CNTN4: variants seen among roughly 807,000 people sequenced by gnomAD.
The protein encoded by CNTN4 is contactin 4, also known as contactin-4.
Under a neutral mutation model 122.5 loss-of-function variants are expected in CNTN4, and 77 were observed. The ratio of observed to expected loss-of-function variants is 0.63; its 90% CI spans 0.52 to 0.76. CNTN4 has a LOEUF of 0.76. Among genes scored for constraint, CNTN4 ranks in the 30% least tolerant of loss-of-function variants. The pLI is 0.00. For missense variants in CNTN4, 1,256 were observed against 1,259.1 expected (o/e 1.00, Z 0.04); for synonymous variants, 512 against 447.0 (o/e 1.15, Z -1.83).
intron 13 of CNTN4, among the ~76,000 whole-genome samples, chr3:2,961,095 TGA>T (rs2094850874): frequency 7.0e-6 from 1 of 143,002 alleles, no homozygotes; most frequent in African/African-American, 2.5e-5. Flanking sequence ...CCGGGCGTGG[TGA>T]TGGGCGCCTG....
chr3:2,664,481 A>C, intron 4 of CNTN4, among the ~76,000 whole-genome samples: 1 of 152,198 alleles, frequency 6.6e-6, no homozygotes, highest in Non-Finnish European at 1.5e-5. Flanking sequence ...AGTAAGTTGG[A>C]GAAGTTTTAT....
At chr3:2,774,055 C>T (rs1406163037) in intron 6 of CNTN4, among the ~76,000 whole-genome samples, 2 of 152,086 alleles carry the variant, frequency 1.3e-5, no homozygotes, top group Non-Finnish European at 2.9e-5. Context: ...CCACCATGCC[C>T]AGCCTCGATT....
chr3:2,530,737 A>T (rs898392469), intron 3 of CNTN4, among the ~76,000 whole-genome samples: 1 of 152,150 alleles, frequency 6.6e-6, no homozygotes, highest in African/African-American at 2.4e-5. Flanking sequence ...GAGAACACTT[A>T]TGTAGCCAGA....
At chr3:2,363,707 C>A (rs931421542) in intron 3 of CNTN4, among the ~76,000 whole-genome samples, 2 of 152,160 alleles carry the variant, frequency 1.3e-5, no homozygotes, top group Non-Finnish European at 2.9e-5. Context: ...AGTCTAACAT[C>A]TTTCCTCCTT....
intron 6 of CNTN4, among the ~76,000 whole-genome samples, chr3:2,759,388 C>G (rs1169129177): frequency 6.6e-6 from 1 of 152,180 alleles, no homozygotes; most frequent in Non-Finnish European, 1.5e-5. Context: ...CTCAGGTGAT[C>G]TGCCCGCCTC....
intron 18 of CNTN4, 23 bp from the exon 19 acceptor site, chr3:3,038,905 ATAACT>A (rs749290272): frequency 7.5e-6 from 12 of 1,610,326 alleles, no homozygotes; most frequent in Non-Finnish European, 1.0e-5. Context: ...GCCGCCTGAC[ATAACT>A]TGTTTTTTGT....
intron 4 of CNTN4, among the ~76,000 whole-genome samples, chr3:2,677,743 A>G (rs1376871253): frequency 6.6e-6 from 1 of 152,146 alleles, no homozygotes; most frequent in Admixed American, 6.5e-5. Flanking sequence ...GTCAAAGTGA[A>G]CTTTTAAAAT....
intron 2 of CNTN4, among the ~76,000 whole-genome samples, chr3:2,282,957 A>G (rs1222736539): frequency 6.6e-6 from 1 of 152,148 alleles, no homozygotes. Flanking sequence ...AATCCATAGA[A>G]ACGGAAAGTA....
At chr3:2,790,710 T>C (rs535117694) in intron 6 of CNTN4, among the ~76,000 whole-genome samples, 1 of 152,346 alleles carries the variant, frequency 6.6e-6, no homozygotes, top group South Asian at 2.1e-4. Flanking sequence ...GTCATAGACC[T>C]ATCCACCTTC....
intron 2 of CNTN4, among the ~76,000 whole-genome samples, chr3:2,233,286 A>C (rs1228222381): frequency 6.6e-6 from 1 of 152,082 alleles, no homozygotes; most frequent in African/African-American, 2.4e-5. Context: ...AAATCATATG[A>C]ATATTGAGTA....
At chr3:2,733,015 C>A (rs2088813468) in intron 4 of CNTN4, among the ~76,000 whole-genome samples, 1 of 152,150 alleles carries the variant, frequency 6.6e-6, no homozygotes, top group African/African-American at 2.4e-5. Context: ...ATTATCAATT[C>A]TTGTTACAAA....
At chr3:2,261,100 A>G (rs567703614) in intron 2 of CNTN4, among the ~76,000 whole-genome samples, 5 of 152,248 alleles carry the variant, frequency 3.3e-5, no homozygotes, top group South Asian at 2.1e-4. Context: ...TTAAAACTAA[A>G]TTGCAATTGT....
intron 4 of CNTN4, among the ~76,000 whole-genome samples, chr3:2,627,692 A>C (rs528976034): frequency 3.0e-4 from 46 of 151,882 alleles, no homozygotes; most frequent in South Asian, 1.5e-3. Flanking sequence ...ACGGGGTTTC[A>C]CCGTGTTAGC....
chr3:2,352,415 A>G (rs7653540), intron 3 of CNTN4, among the ~76,000 whole-genome samples: 33,016 of 152,080 alleles, frequency 0.22, 3,760 homozygotes, highest in African/African-American at 0.25. Flanking sequence ...GGTGGGAACC[A>G]GGGCTGCGCA....
intron 4 of CNTN4, among the ~76,000 whole-genome samples, chr3:2,607,610 C>CCACACACACACACACACA (rs61707029): frequency 0.018 from 2,541 of 145,194 alleles, 49 homozygotes; most frequent in African/African-American, 0.042. Flanking sequence ...ACATATGCAT[C>CCACACACACACACACACA]CACACACACA....
intron 15 of CNTN4, among the ~76,000 whole-genome samples, chr3:3,028,025 AC>A (rs1471659016): frequency 2.6e-5 from 4 of 152,218 alleles, no homozygotes; most frequent in African/African-American, 9.6e-5. Flanking sequence ...ATCTAAGTGT[AC>A]TAGCCACTAG....
chr3:2,419,014 A>C (rs147549363), intron 3 of CNTN4, among the ~76,000 whole-genome samples: 2 of 152,322 alleles, frequency 1.3e-5, no homozygotes, highest in African/African-American at 4.8e-5. Context: ...GGAAAAGTCA[A>C]ATTATTTAAA....
chr3:2,102,104 A>G (rs770957986), intron 2 of CNTN4, among the ~76,000 whole-genome samples: 1 of 152,266 alleles, frequency 6.6e-6, no homozygotes, highest in Non-Finnish European at 1.5e-5. Context: ...CAAAGTAGAC[A>G]TACAGGTGAA....
At chr3:2,772,821 A>T (rs116225441) in intron 6 of CNTN4, among the ~76,000 whole-genome samples, 1,626 of 152,282 alleles carry the variant, frequency 0.011, 27 homozygotes, top group African/African-American at 0.037. Context: ...AAAAAGAGAG[A>T]AAAGCAAAGG....
Sources: allele counts gnomAD v4.1 joint callset (sites outside exome capture counted in the v4.1 genomes callset), GRCh38; gene constraint gnomAD v4.1.1; transcripts MANE v1.5; gene names NCBI Gene and HGNC (gene_info 2026-07-23, HGNC 2026-07-21).